Variants in DGCR2 observed in about 807,000 individuals in gnomAD.
DGCR2 encodes integral membrane protein DGCR2/IDD.
A neutral mutation model predicts 51.6 loss-of-function variants in DGCR2; 24 were observed. That is an observed-to-expected ratio of 0.47 (90% CI 0.34 to 0.65). The LOEUF is 0.65. Ranked by LOEUF, DGCR2 falls within the 30% of genes least tolerant of loss-of-function variation. The pLI is 0.01. For synonymous variants in DGCR2, 340 were observed against 315.4 expected (o/e 1.08, Z -0.82); for missense variants, 765 against 772.1 (o/e 0.99, Z 0.11).
At chr22:19,041,423 A>G in intron 8 of DGCR2, 129 bp from the exon 9 acceptor site, 6 of 881,396 alleles carry the variant, frequency 6.8e-6, no homozygotes, top group Non-Finnish European at 1.0e-5. Context: ...CCCGCTGCCT[A>G]CCCCTCGGCC....
At chr22:19,118,369 G>A (rs1601320788) in intron 1 of DGCR2, among the ~76,000 whole-genome samples, 1 of 84,378 alleles carries the variant, frequency 1.2e-5, no homozygotes, top group South Asian at 4.7e-4. Context: ...AAACTCCATC[G>A]CAAACAAAAA....
intron 4 of DGCR2, among the ~76,000 whole-genome samples, chr22:19,064,202 C>G (rs564525906): frequency 6.6e-6 from 1 of 152,272 alleles, no homozygotes; most frequent in Non-Finnish European, 1.5e-5. Flanking sequence ...CTATGCTGTG[C>G]AACCACAAGG....
chr22:19,075,938 G>A (rs964081510), intron 2 of DGCR2, among the ~76,000 whole-genome samples: 21 of 152,062 alleles, frequency 1.4e-4, no homozygotes, highest in African/African-American at 4.3e-4. Flanking sequence ...CTTTGGAGTC[G>A]AACTGCTAAG....
intron 7 of DGCR2, chr22:19,048,183 T>G (rs2082510924): frequency 1.8e-6 from 1 of 553,358 alleles, no homozygotes; most frequent in Non-Finnish European, 3.3e-6. Flanking sequence ...ACAGCCACAC[T>G]TGAGTTCAAG....
At chr22:19,063,933 G>C (rs908421733) in intron 4 of DGCR2, among the ~76,000 whole-genome samples, 3 of 152,176 alleles carry the variant, frequency 2.0e-5, no homozygotes, top group Non-Finnish European at 2.9e-5. Context: ...AAAGACATAA[G>C]TCCCTGCAAA....
At chr22:19,068,342 A>C (rs1232345858) in intron 2 of DGCR2, 117 bp from the exon 3 acceptor site, 1 of 1,257,476 alleles carries the variant, frequency 8.0e-7, no homozygotes, top group African/African-American at 1.5e-5. Flanking sequence ...TGTAGCACAG[A>C]GTCCGGCAAT....
Position 19,057,209 on chromosome 22 carries a change from A to G in DGCR2, c.626-47T>C. The G allele has an allele frequency of 6.5e-7, 1 of 1,537,170 alleles. No individual in the cohort carries two copies. The highest frequency in any genetic ancestry group is 1.2e-5 in the South Asian group (1 of 80,570). ...GGGCTGGACAACATCACATCAGAGGACAAGCTGTGCAGTCCTCAAGGGGAC... is the reference window on the plus strand; with the variant it reads ...GGGCTGGACAACATCACATCAGAGGGCAAGCTGTGCAGTCCTCAAGGGGAC... On this transcript the variant is annotated intron_variant, in intron 5 of 9. Transcript: ENST00000263196. The surrounding 1 kb of genome is among the most constrained non-coding windows in gnomAD (Gnocchi z 5.1).
chr22:19,074,828 T>C (rs2082856897), intron 2 of DGCR2, among the ~76,000 whole-genome samples: 1 of 152,214 alleles, frequency 6.6e-6, no homozygotes, highest in African/African-American at 2.4e-5. Flanking sequence ...ACATCGGAGC[T>C]GCCGCTGAGG....
chr22:19,114,334 T>C (rs1162019312), intron 1 of DGCR2, among the ~76,000 whole-genome samples: 1 of 152,256 alleles, frequency 6.6e-6, no homozygotes, highest in East Asian at 1.9e-4. Flanking sequence ...CAAGATCTTC[T>C]ACACCCTTGG....
chr22:19,073,034 A>T (rs1036088243), intron 2 of DGCR2, among the ~76,000 whole-genome samples: 7 of 152,136 alleles, frequency 4.6e-5, no homozygotes, highest in African/African-American at 1.7e-4. Context: ...AGGCAGGAGG[A>T]TTGCTTGAGG....
Position 19,057,283 on chromosome 22 carries a change from C to A in DGCR2, c.626-121G>T. ...ACCACAGGGCCTGGACCGCCAAGTACTGGTGGTCACTGTGGCCAGGTGTTC... is the reference window on the plus strand; with the variant it reads ...ACCACAGGGCCTGGACCGCCAAGTAATGGTGGTCACTGTGGCCAGGTGTTC... On this transcript the variant is annotated intron_variant, in intron 5 of 9. Transcript: ENST00000263196. This position sits in a 1 kb window ranked among gnomAD's most constrained non-coding sequence, Gnocchi z 5.1. The A allele has an allele frequency of 9.2e-7, 1 of 1,087,754 alleles. No homozygotes were observed. The highest frequency in any genetic ancestry group is 1.7e-5 in the South Asian group (1 of 59,158). 67.4% of individuals were successfully genotyped at this position (1,087,754 alleles called of 1,614,324 possible). A position where few individuals can be genotyped will look rare whatever the true frequency, so the allele number is the denominator to read the frequency against.
At chr22:19,088,986 C>T (rs2083047960) in intron 2 of DGCR2, among the ~76,000 whole-genome samples, 1 of 152,078 alleles carries the variant, frequency 6.6e-6, no homozygotes, top group African/African-American at 2.4e-5. Context: ...TCTAAAAGAG[C>T]ACATTCAGGA....
chr22:19,101,706 A>T (rs2083203808), intron 1 of DGCR2, among the ~76,000 whole-genome samples: 1 of 139,804 alleles, frequency 7.2e-6, no homozygotes, highest in African/African-American at 2.8e-5. Flanking sequence ...ACGCCATTGC[A>T]CTCCAGCCTG....
intron 6 of DGCR2, chr22:19,056,495 C>T: frequency 1.9e-6 from 1 of 523,898 alleles, no homozygotes; most frequent in South Asian, 2.1e-5. Flanking sequence ...GGGGACCTGC[C>T]CCACCAAGAG....
chr22:19,109,094 T>C (rs1056435864), intron 1 of DGCR2, among the ~76,000 whole-genome samples: 1 of 151,832 alleles, frequency 6.6e-6, no homozygotes, highest in African/African-American at 2.4e-5. Context: ...CACAATAGGC[T>C]ATCACCTCAC....
intron 7 of DGCR2, chr22:19,046,606 T>C (rs749637702): frequency 1.0e-4 from 21 of 204,752 alleles, no homozygotes; most frequent in Non-Finnish European, 2.0e-4. Flanking sequence ...ATTCTGATGC[T>C]TAACACATGA....
At chr22:19,092,905 AGG>A (rs2083094681) in intron 1 of DGCR2, among the ~76,000 whole-genome samples, 10 of 151,676 alleles carry the variant, frequency 6.6e-5, no homozygotes, top group Admixed American at 5.9e-4. Flanking sequence ...GAAGAGGAGG[AGG>A]AGGAGGAAAG....
At chr22:19,062,996 C>G (rs768387277) in intron 5 of DGCR2, among the ~76,000 whole-genome samples, 4 of 152,102 alleles carry the variant, frequency 2.6e-5, no homozygotes, top group African/African-American at 9.7e-5. Flanking sequence ...CAGAGGGTTC[C>G]AGAGACAGCC....
chr22:19,087,176 A>G (rs1387383083), intron 2 of DGCR2, among the ~76,000 whole-genome samples: 2 of 152,134 alleles, frequency 1.3e-5, no homozygotes, highest in Non-Finnish European at 2.9e-5. Context: ...CAGCCCAAGC[A>G]CTGGGAAGCC....
Sources: allele counts gnomAD v4.1 joint callset (sites outside exome capture counted in the v4.1 genomes callset), GRCh38; gene constraint gnomAD v4.1.1; non-coding constraint Gnocchi (gnomAD v3.1); transcripts MANE v1.5; gene names NCBI Gene and HGNC (gene_info 2026-07-23, HGNC 2026-07-21).